The following MAP3K7CL variants were observed in gnomAD, a reference collection of about 807,000 sequenced individuals.
MAP3K7CL encodes MAP3K7 C-terminal-like protein.
Under a neutral mutation model 18.6 loss-of-function variants are expected in MAP3K7CL, and 16 were observed. That is an observed-to-expected ratio of 0.86 (90% confidence interval 0.58 to 1.31). The LOEUF (loss-of-function observed/expected upper bound fraction) is 1.31. Among genes scored for constraint, MAP3K7CL ranks in the 50% most tolerant of loss-of-function variants. The pLI, the probability that MAP3K7CL is intolerant of heterozygous loss-of-function variation, is 0.00. For missense variants in MAP3K7CL, 163 were observed against 174.4 expected (o/e 0.93, Z 0.37); for synonymous variants, 65 against 66.8 (o/e 0.97, Z 0.13).
chr21:29,095,901 A>G (rs1007637665), intron 4 of MAP3K7CL, among the ~76,000 whole-genome samples: 2 of 152,222 alleles, frequency 1.3e-5, no homozygotes, highest in African/African-American at 4.8e-5. Flanking sequence ...GAAACACAAA[A>G]CAATTAGGGC....
At position 29,137,255 on chromosome 21, in the gene MAP3K7CL, T is replaced by C. The variant is rs552170526; in HGVS notation, c.70+3841T>C. On this transcript the variant is annotated intron_variant, in intron 2 of 4. Coordinates refer to ENST00000399928, the MANE Select transcript of MAP3K7CL (RefSeq NM_001286620.2). ...CCTGCAGTTATTTAGGGACTAGTTA[T>C]GCAGTTAATAGATTGTTCATATCCT... Among the ~76,000 whole-genome samples the C allele has an allele frequency of 1.2e-4, 19 of 152,366 alleles. 1 individual carries two copies. The highest frequency in any genetic ancestry group is 6.8e-3 in the Middle Eastern group (2 of 294).
At chr21:29,122,617 T>C (rs1338999287) in intron 4 of MAP3K7CL, among the ~76,000 whole-genome samples, 1 of 152,216 alleles carries the variant, frequency 6.6e-6, no homozygotes, top group African/African-American at 2.4e-5. Context: ...AAGCCGTCCC[T>C]CTTAAGTTAA....
chr21:29,167,521 A>G (rs1018669152), intron 4 of MAP3K7CL, among the ~76,000 whole-genome samples: 3 of 127,692 alleles, frequency 2.3e-5, no homozygotes, highest in African/African-American at 3.4e-5. Flanking sequence ...GAGATTTCTA[A>G]TAACAGGAGA....
chr21:29,116,863 C>T (rs565819205), intron 4 of MAP3K7CL, among the ~76,000 whole-genome samples: 2 of 152,116 alleles, frequency 1.3e-5, no homozygotes, highest in South Asian at 4.1e-4. Flanking sequence ...TATACTTTTT[C>T]ATGTTCAGGA....
intron 3 of MAP3K7CL, among the ~76,000 whole-genome samples, chr21:29,151,204 C>A (rs550481555): frequency 6.6e-6 from 1 of 151,420 alleles, no homozygotes; most frequent in South Asian, 2.1e-4. Context: ...GGCCCGGTGC[C>A]GTGGCTCACA....
At chr21:29,101,836 A>T (rs910514628) in intron 4 of MAP3K7CL, among the ~76,000 whole-genome samples, 3 of 152,248 alleles carry the variant, frequency 2.0e-5, no homozygotes, top group African/African-American at 7.2e-5. Context: ...ATAAGTTAAC[A>T]CATGTGCCAG....
At chr21:29,100,142 C>T (rs1012317226) in intron 4 of MAP3K7CL, among the ~76,000 whole-genome samples, 1 of 150,898 alleles carries the variant, frequency 6.6e-6, no homozygotes, top group Non-Finnish European at 1.5e-5. Context: ...GTCCTCTGAG[C>T]GGCAGCCCGA....
chr21:29,109,812 T>G (rs2086388306), intron 4 of MAP3K7CL: 2 of 984,188 alleles, frequency 2.0e-6, no homozygotes, highest in Non-Finnish European at 1.2e-6. Flanking sequence ...TGCTGCTGCT[T>G]CTTATATATA....
intron 1 of MAP3K7CL, among the ~76,000 whole-genome samples, chr21:29,077,900 A>C (rs1209024528): frequency 6.6e-6 from 1 of 152,222 alleles, no homozygotes; most frequent in Admixed American, 6.5e-5. Flanking sequence ...TCCAGCCTCC[A>C]GGAGAGCTAA....
At chr21:29,091,766 G>A in intron 3 of MAP3K7CL, 2 of 702,390 alleles carry the variant, frequency 2.8e-6, no homozygotes, top group Non-Finnish European at 5.2e-6. Context: ...TTACAGGTAT[G>A]AACTACTGCA....
intron 3 of MAP3K7CL, among the ~76,000 whole-genome samples, chr21:29,091,922 C>T (rs2086036399): frequency 6.6e-6 from 1 of 152,088 alleles, no homozygotes; most frequent in Admixed American, 6.6e-5. Flanking sequence ...CTGTTGTTAT[C>T]ACCTTTGTTT....
chr21:29,144,297 A>G (rs1601235787), intron 2 of MAP3K7CL, among the ~76,000 whole-genome samples: 1 of 151,926 alleles, frequency 6.6e-6, no homozygotes, highest in African/African-American at 2.4e-5. Flanking sequence ...CCCGAGTAGC[A>G]GGGACAACAG....
intron 4 of MAP3K7CL, among the ~76,000 whole-genome samples, chr21:29,161,811 C>T (rs924886711): frequency 6.6e-6 from 1 of 152,126 alleles, no homozygotes; most frequent in Admixed American, 6.5e-5. Context: ...GGTGGTCGGA[C>T]AGTATAGCAT....
intron 4 of MAP3K7CL, among the ~76,000 whole-genome samples, chr21:29,173,898 C>T (rs1444100005): frequency 6.6e-6 from 1 of 152,080 alleles, no homozygotes; most frequent in South Asian, 2.1e-4. Flanking sequence ...GATGTTGTCT[C>T]GCTATGTTGC....
At chr21:29,127,116 G>A (rs754113576), upstream of MAP3K7CL, among the ~76,000 whole-genome samples, 15 of 152,116 alleles carry the variant, frequency 9.9e-5, no homozygotes, top group Non-Finnish European at 2.1e-4. Context: ...AGCTACATAC[G>A]TATTGAGTTG....
At chr21:29,085,737 C>G, upstream of MAP3K7CL, 4 of 885,692 alleles carry the variant, frequency 4.5e-6, no homozygotes, top group Non-Finnish European at 7.4e-6. Flanking sequence ...TGAATGCCAA[C>G]GGCATGGTTA....
At chr21:29,114,589 C>G (rs1211126213) in intron 4 of MAP3K7CL, among the ~76,000 whole-genome samples, 1 of 152,050 alleles carries the variant, frequency 6.6e-6, no homozygotes, top group Non-Finnish European at 1.5e-5. Flanking sequence ...CAGGTTCTTG[C>G]TATGTTGCCC....
rs574444598 is a variant in MAP3K7CL, at chr21:29,093,884, C to T, written c.370+1303C>T. On this transcript the variant is annotated intron_variant, in intron 4 of 6. Coordinates refer to the MAP3K7CL transcript ENST00000286791. Reference sequence around the variant, plus strand: ...CTTGTATGAATCTCAATTTCCTTACCACTAAGATGAGAATGATGATAATTA... The same window carrying T: ...CTTGTATGAATCTCAATTTCCTTACTACTAAGATGAGAATGATGATAATTA... Among the ~76,000 whole-genome samples, 13 of 152,316 alleles carry T rather than the reference C, an allele frequency of 8.5e-5. No homozygotes were observed. In the South Asian group the frequency reaches 2.3e-3, roughly 27 times the overall value.
rs1376489081 is a variant in MAP3K7CL at position 29,130,687 on chromosome 21, G to T, written c.-276G>T. 2 of 985,434 alleles carry T rather than the reference G, an allele frequency of 2.0e-6. No homozygotes were observed. The highest frequency in any genetic ancestry group is 2.4e-6 in the Non-Finnish European group (2 of 830,010). The allele number at this position is 985,434 out of a possible 1,614,324, so 61.0% of individuals were successfully genotyped here. On this transcript the variant is annotated 5_prime_UTR_variant, in exon 1 of 5. Coordinates refer to ENST00000399928, the MANE Select transcript of MAP3K7CL (RefSeq NM_001286620.2). ...AGAGAGGCAAGGAAAGGAGAGAGGGGTTGTGAAGGGAAGCGGAAGGGAAGG... is the reference window on the plus strand; with the variant it reads ...AGAGAGGCAAGGAAAGGAGAGAGGGTTTGTGAAGGGAAGCGGAAGGGAAGG...
Sources: gnomAD v4.1 joint callset for allele counts (sites outside exome capture counted in the v4.1 genomes callset) on GRCh38, gnomAD v4.1.1 for gene constraint, MANE v1.5 for transcripts, NCBI Gene and HGNC (gene_info 2026-07-23, HGNC 2026-07-21) for gene names.